Variants in TIMP2 observed in about 807,000 individuals in gnomAD.
TIMP2 encodes the protein TIMP metallopeptidase inhibitor 2.
TIMP2 carries 5 observed loss-of-function variants against 24.3 expected under a neutral mutation model. That is an observed-to-expected ratio of 0.21 (90% CI 0.11 to 0.43). The LOEUF is 0.43. Among genes scored for constraint, TIMP2 ranks in the 20% least tolerant of loss-of-function variants. The pLI is 1.00. For synonymous variants in TIMP2, 130 were observed against 123.2 expected (o/e 1.06, Z -0.37); for missense variants, 221 against 297.5 (o/e 0.74, Z 1.89).
At chr17:78,883,707 T>C (rs970748384) in intron 1 of TIMP2, among the ~76,000 whole-genome samples, 4 of 152,130 alleles carry the variant, frequency 2.6e-5, no homozygotes, top group Admixed American at 2.6e-4. Context: ...AGCTCTCCCA[T>C]CTCACTTCCT....
At position 78,853,633 on chromosome 17, in the gene TIMP2, C is replaced by T. The variant is rs1263060329; in HGVS notation, c.*2034G>A. On this transcript the variant is annotated 3_prime_UTR_variant, in exon 5 of 5. Coordinates refer to ENST00000262768, the MANE Select transcript of TIMP2 (RefSeq NM_003255.5). The stretch of plus-strand genomic sequence containing the variant: ...ACCAAAGGAAAGACCTGAAGGAATC[C>T]ACCTGCATAGGCCACGCGTTCCACT... 1 of 152,616 alleles carries T rather than the reference C, an allele frequency of 6.6e-6. No homozygotes were observed. Among genetic ancestry groups the T allele is most frequent in the Non-Finnish European group, 1.5e-5 (1 of 68,044 alleles). The allele number at this position is 152,616 out of a possible 1,614,324, so 9.5% of individuals were successfully genotyped here.
intron 1 of TIMP2, among the ~76,000 whole-genome samples, chr17:78,889,960 A>C (rs1263043702): frequency 6.6e-6 from 1 of 150,836 alleles, no homozygotes; most frequent in Non-Finnish European, 1.5e-5. Context: ...TCTATTAAAA[A>C]TACAAAAAAT....
intron 1 of TIMP2, among the ~76,000 whole-genome samples, chr17:78,915,680 C>T (rs571476179): frequency 1.3e-5 from 2 of 152,204 alleles, no homozygotes; most frequent in Non-Finnish European, 2.9e-5. Flanking sequence ...CCACCACGCC[C>T]AGCTAATTTT....
At chr17:78,912,369 A>G (rs1422259620) in intron 1 of TIMP2, among the ~76,000 whole-genome samples, 3 of 152,094 alleles carry the variant, frequency 2.0e-5, no homozygotes, top group Non-Finnish European at 2.9e-5. Flanking sequence ...CGTCTGTGTC[A>G]GGAAAGCTCA....
At chr17:78,866,575 G>A (rs983378212) in intron 3 of TIMP2, among the ~76,000 whole-genome samples, 2 of 144,012 alleles carry the variant, frequency 1.4e-5, no homozygotes, top group East Asian at 3.9e-4. Context: ...ACAGGTCCCT[G>A]CAAAATCTCA....
intron 1 of TIMP2, chr17:78,904,995 C>T (rs549433992): frequency 6.6e-6 from 1 of 152,268 alleles, no homozygotes; most frequent in African/African-American, 2.4e-5. Context: ...CAAAAATGAC[C>T]CGGGCGTGGT....
At position 78,895,313 on chromosome 17, in the gene TIMP2, C is replaced by T. The variant is rs62074360; in HGVS notation, c.131-21394G>A. Among the ~76,000 whole-genome samples the T allele has an allele frequency of 8.3e-3, 1,263 of 152,180 alleles. 9 individuals are homozygous for T. The highest frequency in any genetic ancestry group is 0.014 in the Admixed American group (209 of 15,266). On this transcript the variant is annotated intron_variant, in intron 1 of 4. Coordinates refer to ENST00000262768, the MANE Select transcript of TIMP2 (RefSeq NM_003255.5). ...AATAAATAAAAATAAAAATCAGCAA[C>T]AGATTTAAATAGATATTTCACCAAA...
chr17:78,923,782 G>A (rs1450342809), intron 1 of TIMP2, among the ~76,000 whole-genome samples: 4 of 152,146 alleles, frequency 2.6e-5, no homozygotes, highest in Non-Finnish European at 5.9e-5. Flanking sequence ...TCCCCAGCTG[G>A]GCACGCAGCT....
intron 1 of TIMP2, among the ~76,000 whole-genome samples, chr17:78,887,531 C>T (rs572002669): frequency 3.9e-5 from 6 of 152,220 alleles, no homozygotes; most frequent in East Asian, 1.9e-4. Flanking sequence ...ACTACAAGTG[C>T]GCGCCGCCAC....
chr17:78,893,188 GGTGTGTGCAAGGATGTGTGTGCAT>G (rs1054111006), intron 1 of TIMP2, among the ~76,000 whole-genome samples: 9 of 135,360 alleles, frequency 6.6e-5, no homozygotes, highest in African/African-American at 2.3e-4. Flanking sequence ...TGTGTGCAGG[GGTGTGTGCAAGGATGTGTGTGCAT>G]GTGTGTGCAG....
At chr17:78,877,697 TTC>T (rs888678100) in intron 1 of TIMP2, among the ~76,000 whole-genome samples, 2 of 151,838 alleles carry the variant, frequency 1.3e-5, no homozygotes, top group African/African-American at 4.8e-5. Flanking sequence ...TGCTTTTCTT[TTC>T]TTTCTTTCTT....
At chr17:78,859,387 C>T (rs368059465) in intron 3 of TIMP2, among the ~76,000 whole-genome samples, 9 of 152,198 alleles carry the variant, frequency 5.9e-5, no homozygotes, top group South Asian at 2.1e-4. Flanking sequence ...AGGCCAGGTG[C>T]GATGGCTCAT....
In TIMP2 at chr17:78,920,833, T is replaced by C. The variant is rs1011231447; in HGVS notation, c.130+4126A>G. 6.6e-6 allele frequency among the ~76,000 whole-genome samples: 1 copy of C among 152,038 alleles called. No individual in the cohort carries two copies. The highest frequency in any genetic ancestry group is 1.5e-5 in the Non-Finnish European group (1 of 67,988). Reference sequence around the variant, plus strand: ...ACCACGCCGGGCAGCAGGAACCCCCTTCCACACCGCCTGGTGCCAAGATGT... The same window carrying C: ...ACCACGCCGGGCAGCAGGAACCCCCCTCCACACCGCCTGGTGCCAAGATGT... On this transcript the variant is annotated intron_variant, in intron 1 of 4. Transcript: ENST00000262768. The surrounding 1 kb of genome is among the most constrained non-coding windows in gnomAD (Gnocchi z 4.5).
At chr17:78,887,137 G>A (rs982692367) in intron 1 of TIMP2, among the ~76,000 whole-genome samples, 6 of 152,166 alleles carry the variant, frequency 3.9e-5, no homozygotes, top group African/African-American at 1.2e-4. Context: ...TGCTACTCCC[G>A]CCCCGTCCAA....
Position 78,896,581 on chromosome 17 carries a change from C to T in TIMP2, c.131-22662G>A, listed in dbSNP as rs7216891. On this transcript the variant is annotated intron_variant, in intron 1 of 4. Coordinates refer to ENST00000262768, the MANE Select transcript of TIMP2 (RefSeq NM_003255.5). This position sits in a 1 kb window ranked among gnomAD's most constrained non-coding sequence, Gnocchi z 4.4. ...ACATCCTCTGAGTGTTCTGAGCATCCTGGGCTGCTTTGGTGTTTTCTACTC... is the reference window on the plus strand; with the variant it reads ...ACATCCTCTGAGTGTTCTGAGCATCTTGGGCTGCTTTGGTGTTTTCTACTC... 0.21 allele frequency among the ~76,000 whole-genome samples: 31,594 copies of T among 152,072 alleles called. 7,800 individuals carry two copies. The highest frequency in any genetic ancestry group is 0.6 in the African/African-American group (24,833 of 41,414).
chr17:78,902,209 C>T (rs1426221541), intron 1 of TIMP2, among the ~76,000 whole-genome samples: 3 of 152,210 alleles, frequency 2.0e-5, no homozygotes, highest in Non-Finnish European at 2.9e-5. Flanking sequence ...CGGGTTCAAG[C>T]AATTCTCCTG....
chr17:78,867,729 G>A (rs562094294), intron 3 of TIMP2, among the ~76,000 whole-genome samples: 24 of 151,460 alleles, frequency 1.6e-4, no homozygotes, highest in Non-Finnish European at 2.8e-4. Context: ...TTGAGTAGCT[G>A]GGACTACAGG....
rs1248722428 is a variant in TIMP2 at position 78,855,129 on chromosome 17, CTGGGAGCTCATGGTGGGCACCGGGGCGA to C, written c.*510_*537del. ...CCTTGGATGTGGGGGGAGTCAGGTG[CTGGGAGCTCATGGTGGGCACCGGGGCGA>C]TGGGAGCACTTGCCAGGGGCAGGGA... On this transcript the variant is annotated 3_prime_UTR_variant, in exon 5 of 5. Coordinates refer to ENST00000262768, the MANE Select transcript of TIMP2 (RefSeq NM_003255.5). The surrounding 1 kb of genome is among the most constrained non-coding windows in gnomAD (Gnocchi z 6.0). 1 of 159,846 alleles carries C rather than the reference CTGGGAGCTCATGGTGGGCACCGGGGCGA, an allele frequency of 6.3e-6. No individual in the cohort carries two copies. The highest frequency in any genetic ancestry group is 1.4e-5 in the Non-Finnish European group (1 of 71,828). 9.9% of individuals were successfully genotyped at this position (159,846 alleles called of 1,614,324 possible). A position where few individuals can be genotyped will look rare whatever the true frequency, so the allele number is the denominator to read the frequency against.
intron 3 of TIMP2, among the ~76,000 whole-genome samples, chr17:78,860,115 G>A (rs1385410540): frequency 3.3e-5 from 5 of 152,098 alleles, no homozygotes; most frequent in Non-Finnish European, 7.4e-5. Flanking sequence ...GGTGGAGGTT[G>A]CAGTGAGTCA....
Sources: allele counts gnomAD v4.1 joint callset (sites outside exome capture counted in the v4.1 genomes callset), GRCh38; gene constraint gnomAD v4.1.1; non-coding constraint Gnocchi (gnomAD v3.1); transcripts MANE v1.5; gene names NCBI Gene and HGNC (gene_info 2026-07-23, HGNC 2026-07-21).